Variants in OTOF observed in about 807,000 individuals in gnomAD.
The protein encoded by OTOF is otoferlin.
Under a neutral mutation model 236.8 loss-of-function variants are expected in OTOF, and 218 were observed. The ratio of observed to expected loss-of-function variants is 0.92; its 90% CI spans 0.82 to 1.03. The LOEUF is 1.03. OTOF is among the 50% of genes least tolerant of loss of function. The probability of loss-of-function intolerance (pLI) is 0.00; values close to 1 mark genes in which losing one functional copy is unlikely to be tolerated. For synonymous variants in OTOF, 1,041 were observed against 1,072.5 expected (o/e 0.97, Z 0.57); for missense variants, 2,590 against 2,694.4 (o/e 0.96, Z 0.86).
At position 26,471,215 on chromosome 2, in the gene OTOF, C is replaced by T. The variant is rs546440724; in HGVS notation, c.3865-65G>A. The T allele has an allele frequency of 2.8e-4, 446 of 1,577,160 alleles. 1 individual carries two copies. Among genetic ancestry groups the T allele is most frequent in the Non-Finnish European group, 3.7e-4 (424 of 1,146,398 alleles). On this transcript the variant is annotated intron_variant, in intron 30 of 46. Transcript: ENST00000272371. ...TGGGGCCTGGAGTGGCAGGCAGTGG[C>T]CTAGCACAGGGTGTGTGGAGGAGCC...
rs1666525447 is a variant in OTOF, at chr2:26,516,403, G to C, written c.509+15C>G. ...CTTGGGAGCAGTGGGCAGCCAGAGG[G>C]GTCCTGCCTGTTACCTCCGGAAGCT... On this transcript the variant is annotated intron_variant, in intron 5 of 46. Transcript: ENST00000272371. 6.2e-7 allele frequency: 1 copy of C among 1,611,336 alleles called. No individual in the cohort carries two copies. The highest frequency in any genetic ancestry group is 1.3e-5 in the African/African-American group (1 of 74,956).
rs764673915 is a variant in OTOF at position 26,495,089 on chromosome 2, G to A, written c.766-16C>T. The A allele has an allele frequency of 2.5e-6, 4 of 1,613,756 alleles. No individual in the cohort carries two copies. The Admixed American group carries it at 5.0e-5, about 20-fold the overall frequency. The stretch of plus-strand genomic sequence containing the variant: ...TGATGCTGACCTGCAGGCAGGAGAA[G>A]GGGGAGCCAGAAGGAAAGCTGCCTG... On this transcript the variant is annotated splice_polypyrimidine_tract_variant and intron_variant, in intron 8 of 46. Coordinates refer to ENST00000272371, the MANE Select transcript of OTOF (RefSeq NM_194248.3).
Position 26,474,542 on chromosome 2 carries a change from C to T in OTOF, c.3259G>A (p.Asp1087Asn). The T allele has an allele frequency of 6.2e-7, 1 of 1,612,638 alleles. No individual in the cohort carries two copies. The change falls in exon 26 of 47, where the codon GAC becomes AAC. Residue 1087 changes from aspartate to asparagine, a missense_variant. Physicochemically the swap from Asp to Asn is conservative, Grantham distance 23. Coordinates refer to ENST00000272371, the MANE Select transcript of OTOF (RefSeq NM_194248.3). The part of the protein sequence containing the change: ...QIYRGNATAG[D>N]LLAAFELLQI... ...AGCAGCTCGAAGGCCGCCAGCAGGT[C>T]TCCAGCTGTGGCGTTGCCACGGTAG...
At chr2:26,497,227 C>A (rs144975369) in intron 8 of OTOF, among the ~76,000 whole-genome samples, 1 of 151,490 alleles carries the variant, frequency 6.6e-6, no homozygotes, top group African/African-American at 2.4e-5. Flanking sequence ...CTCAGCCTCC[C>A]GAGTAGCTGG....
At chr2:26,465,928 G>A in intron 37 of OTOF, 21 bp downstream of exon 37, 2 of 1,614,232 alleles carry the variant, frequency 1.2e-6, no homozygotes, top group Non-Finnish European at 1.7e-6. Flanking sequence ...TGTGGCAGGG[G>A]AGGGCACCAA....
At chr2:26,520,553 A>G (rs371815149) in intron 3 of OTOF, among the ~76,000 whole-genome samples, 366 of 152,308 alleles carry the variant, frequency 2.4e-3, no homozygotes, top group African/African-American at 8.1e-3. Flanking sequence ...GAAACTGACC[A>G]CGCCACTCCT....
At chr2:26,525,956 G>A (rs1666790647) in intron 3 of OTOF, among the ~76,000 whole-genome samples, 1 of 151,900 alleles carries the variant, frequency 6.6e-6, no homozygotes, top group Non-Finnish European at 1.5e-5. Context: ...GCACGGTGGT[G>A]AGCACCTCTA....
At chr2:26,510,611 C>A in intron 5 of OTOF, 1 of 796,676 alleles carries the variant, frequency 1.3e-6, no homozygotes, top group South Asian at 1.5e-5. Flanking sequence ...TGAGCCCTCT[C>A]AGCCGAGCCC....
At chr2:26,543,290 G>A (rs890142735) in intron 1 of OTOF, among the ~76,000 whole-genome samples, 2 of 152,214 alleles carry the variant, frequency 1.3e-5, no homozygotes, top group African/African-American at 4.8e-5. Flanking sequence ...TGTGCGGCCC[G>A]GCACAACGGC....
intron 5 of OTOF, among the ~76,000 whole-genome samples, chr2:26,505,497 A>G (rs1049384928): frequency 6.6e-6 from 1 of 152,134 alleles, no homozygotes; most frequent in African/African-American, 2.4e-5. Context: ...GCCTTTCTAG[A>G]TGTCTGCAAT....
chr2:26,547,010 A>G (rs560732404), intron 1 of OTOF, among the ~76,000 whole-genome samples: 1 of 152,308 alleles, frequency 6.6e-6, no homozygotes, highest in African/African-American at 2.4e-5. Context: ...GCCACCTTGT[A>G]CTGGCTAGAA....
At position 26,460,672 on chromosome 2, in the gene OTOF, CA is replaced by C; in HGVS notation, c.5787del (p.Asn1929LysfsTer6). The C allele has an allele frequency of 6.2e-7, 1 of 1,614,088 alleles. No individual in the cohort carries two copies. Among genetic ancestry groups the C allele is most frequent in the South Asian group, 1.1e-5 (1 of 91,074 alleles). Reference sequence around the variant, plus strand: ...TTGGGTTTCTCTAGGGGGTCAGGTTCATTGCGGGCCAGGCCCACTGGGTTCT... The same window carrying C: ...TTGGGTTTCTCTAGGGGGTCAGGTTCTTGCGGGCCAGGCCCACTGGGTTCT... The part of the protein sequence containing the change: ...AEKNPVGLAR[N>X]EPDPLEKPNR... On this transcript the variant is annotated frameshift_variant, in exon 45 of 47. Transcript: ENST00000272371. LOFTEE classifies it high-confidence loss of function. This position sits in a 1 kb window ranked among gnomAD's most constrained non-coding sequence, Gnocchi z 5.3.
intron 3 of OTOF, among the ~76,000 whole-genome samples, 165 bp from the exon 4 acceptor site, chr2:26,519,274 C>T (rs1666616112): frequency 2.0e-5 from 3 of 152,186 alleles, no homozygotes; most frequent in Admixed American, 2.0e-4. Flanking sequence ...TGGTTGCAGC[C>T]AGGGCAGCAT....
At position 26,489,835 on chromosome 2, in the gene OTOF, AC is replaced by A. The variant is rs2148067150; in HGVS notation, c.898-96del. 1.1e-5 allele frequency: 10 copies of A among 920,658 alleles called. No homozygotes were observed. In the South Asian group the frequency reaches 1.3e-4, roughly 12 times the overall value. 57.0% of individuals were successfully genotyped at this position (920,658 alleles called of 1,614,324 possible). ...CTCCCTCCTCGCAGGGCCTGTCTGCACCCCAGACATTTGCCCTGAGCCCCAA... is the reference window on the plus strand; with the variant it reads ...CTCCCTCCTCGCAGGGCCTGTCTGCACCCAGACATTTGCCCTGAGCCCCAA... On this transcript the variant is annotated intron_variant, in intron 9 of 46. Coordinates refer to ENST00000272371, the MANE Select transcript of OTOF (RefSeq NM_194248.3).
intron 41 of OTOF, among the ~76,000 whole-genome samples, chr2:26,463,096 G>A (rs902953607): frequency 6.6e-6 from 1 of 152,180 alleles, no homozygotes; most frequent in Non-Finnish European, 1.5e-5. Flanking sequence ...TTGTGAAGGA[G>A]TGCGTCAGTG....
chr2:26,550,407 C>T (rs183490194), intron 1 of OTOF, among the ~76,000 whole-genome samples: 166 of 152,162 alleles, frequency 1.1e-3, no homozygotes, highest in Middle Eastern at 3.4e-3. Context: ...CACCCACAGG[C>T]GGTGTTCCTT....
In OTOF at chr2:26,475,946, C is replaced by T. The variant is rs772973509; in HGVS notation, c.2959G>A (p.Val987Ile). The change falls in exon 24 of 47, where the codon GTC becomes ATC. Residue 987 changes from valine to isoleucine, a missense_variant. Coordinates refer to ENST00000272371, the MANE Select transcript of OTOF (RefSeq NM_194248.3). ...CACTGACTCTGATTGATGAAGAAGA[C>T]GCGGGCAAAGGGGTCTGAGAGTCCG... ...SSGLSDPFAR[V>I]FFINQSQCTE... The T allele has an allele frequency of 8.7e-6, 14 of 1,611,114 alleles. No individual in the cohort carries two copies. Among genetic ancestry groups the T allele is most frequent in the African/African-American group, 2.7e-5 (2 of 74,894 alleles).
Position 26,481,357 on chromosome 2 carries a change from C to G in OTOF, c.1580-348G>C, listed in dbSNP as rs78516690. 2.7e-3 allele frequency among the ~76,000 whole-genome samples: 407 copies of G among 152,326 alleles called. 1 individual carries two copies. The highest frequency in any genetic ancestry group is 9.5e-3 in the African/African-American group (395 of 41,572). On this transcript the variant is annotated intron_variant, in intron 14 of 46. Coordinates refer to ENST00000272371, the MANE Select transcript of OTOF (RefSeq NM_194248.3). ...TGGGCCCTGTGCCATTTTTGCAGCT[C>G]TGTCCCACCACGGTGACCCTGCCAG... is the stretch of plus-strand genomic sequence containing the variant.
At chr2:26,542,188 C>A (rs752702514) in intron 1 of OTOF, among the ~76,000 whole-genome samples, 27 of 152,208 alleles carry the variant, frequency 1.8e-4, no homozygotes, top group Non-Finnish European at 2.9e-5. Flanking sequence ...CAAAATAGCT[C>A]CCTCTTCCAG....
Sources: allele counts gnomAD v4.1 joint callset (sites outside exome capture counted in the v4.1 genomes callset), GRCh38; gene constraint gnomAD v4.1.1; non-coding constraint Gnocchi (gnomAD v3.1); transcripts MANE v1.5; gene names NCBI Gene and HGNC (gene_info 2026-07-23, HGNC 2026-07-21).